The following ACACA variants were observed in gnomAD, a reference collection of about 807,000 sequenced individuals.
ACACA encodes the protein acetyl-CoA carboxylase 1.
Under a neutral mutation model 296.1 loss-of-function variants are expected in ACACA, and 103 were observed. The ratio of observed to expected loss-of-function variants is 0.35; its 90% confidence interval spans 0.30 to 0.41. ACACA has a LOEUF of 0.41. ACACA is among the 10% of genes least tolerant of loss of function. ACACA has a pLI of 1.00. For missense variants in ACACA, 1,554 were observed against 2,989.7 expected (o/e 0.52, Z 11.20); for synonymous variants, 953 against 1,038.6 (o/e 0.92, Z 1.58).
chr17:37,222,179 T>A (rs572726734), intron 28 of ACACA, among the ~76,000 whole-genome samples: 2 of 152,302 alleles, frequency 1.3e-5, no homozygotes, highest in Admixed American at 6.5e-5. Context: ...CTATTAAGCA[T>A]GATCATTTCA....
intron 42 of ACACA, 74 bp downstream of exon 42, chr17:37,161,706 AC>A: frequency 6.4e-7 from 1 of 1,558,242 alleles, no homozygotes; most frequent in South Asian, 1.1e-5. Flanking sequence ...TTAAACCTCT[AC>A]CCTTCCCCCA....
chr17:37,105,665 G>C (rs2073636829), intron 52 of ACACA, among the ~76,000 whole-genome samples: 1 of 151,910 alleles, frequency 6.6e-6, no homozygotes, highest in African/African-American at 2.4e-5. Flanking sequence ...GGGAGTTCAA[G>C]ACCATCCTGG....
In ACACA at chr17:37,243,521, T is replaced by G. The variant is rs747301410; in HGVS notation, c.2781A>C (p.Arg927Ser). ...DWVERLMKTL[R>S]DPSLPLLELQ... Reference sequence around the variant, plus strand: ...ATTCTAGGAGAGGCAGGGAGGGATCTCTGAGGGTTTTCATCAATCGCTCTA... The same window carrying G: ...ATTCTAGGAGAGGCAGGGAGGGATCGCTGAGGGTTTTCATCAATCGCTCTA... The change falls in exon 22 of 56, where the codon AGA becomes AGC. Residue 927 changes from arginine to serine, a missense_variant. Physicochemically the swap from Arg to Ser is moderately radical, Grantham distance 110. Coordinates refer to ENST00000616317, the MANE Select transcript of ACACA (RefSeq NM_198834.3). 1 of 1,614,106 alleles carries G rather than the reference T, an allele frequency of 6.2e-7. No individual in the cohort carries two copies. Among genetic ancestry groups the G allele is most frequent in the East Asian group, 2.2e-5 (1 of 44,878 alleles).
intron 1 of ACACA, chr17:37,345,242 C>CG (rs71135705): frequency 0.025 from 3,873 of 152,282 alleles, 103 homozygotes; most frequent in African/African-American, 0.055. Context: ...TTAGCAGAGA[C>CG]GGGGTCTCAC....
At chr17:37,350,599 G>C (rs1024766180) in intron 1 of ACACA, among the ~76,000 whole-genome samples, 11 of 152,170 alleles carry the variant, frequency 7.2e-5, no homozygotes, top group Non-Finnish European at 1.6e-4. Flanking sequence ...TAGCACTTTG[G>C]GAGGCCGAGG....
At chr17:37,200,313 T>G in intron 34 of ACACA, 114 bp downstream of exon 34, 2 of 1,352,836 alleles carry the variant, frequency 1.5e-6, no homozygotes, top group South Asian at 2.4e-5. Flanking sequence ...TACAGAAAAG[T>G]GGTTATTTCT....
At chr17:37,334,064 G>T (rs999072863) in intron 2 of ACACA, among the ~76,000 whole-genome samples, 1 of 151,840 alleles carries the variant, frequency 6.6e-6, no homozygotes, top group African/African-American at 2.4e-5. Context: ...CTCACACTGC[G>T]CCTGGAGGCC....
At chr17:37,313,255 C>T (rs1310516513) in intron 3 of ACACA, among the ~76,000 whole-genome samples, 1 of 151,902 alleles carries the variant, frequency 6.6e-6, no homozygotes, top group Non-Finnish European at 1.5e-5. Flanking sequence ...ATACATTTAC[C>T]TCCTGCACAT....
chr17:37,283,155 T>C (rs1685560716), intron 5 of ACACA, 112 bp downstream of exon 5: 3 of 1,290,680 alleles, frequency 2.3e-6, no homozygotes, highest in Non-Finnish European at 2.2e-6. Flanking sequence ...AGGATTTTAC[T>C]TGGAAGTCCT....
At chr17:37,249,456 A>G (rs938086250) in intron 16 of ACACA, among the ~76,000 whole-genome samples, 11 of 152,098 alleles carry the variant, frequency 7.2e-5, no homozygotes, top group African/African-American at 2.7e-4. Context: ...TGGCTGCATC[A>G]TTTTACATTC....
At chr17:37,221,661 C>T in intron 29 of ACACA, 63 bp downstream of exon 29, 2 of 1,274,048 alleles carry the variant, frequency 1.6e-6, no homozygotes, top group Non-Finnish European at 2.3e-6. Flanking sequence ...ATACACATTA[C>T]TCCCCTTGAT....
At chr17:37,352,400 G>A (rs140945744) in intron 1 of ACACA, among the ~76,000 whole-genome samples, 63 of 152,222 alleles carry the variant, frequency 4.1e-4, no homozygotes, top group African/African-American at 1.5e-3. Flanking sequence ...TTATTTCATA[G>A]AGCTGCATTT....
At position 37,245,106 on chromosome 17, in the gene ACACA, G is replaced by A. The variant is rs2080628285; in HGVS notation, c.2569C>T (p.Leu857=). 6.2e-7 allele frequency: 1 copy of A among 1,614,224 alleles called. No individual in the cohort carries two copies. The highest frequency in any genetic ancestry group is 1.3e-5 in the African/African-American group (1 of 75,056). ...DPGCVLAKMQ[L]DNPSKVQQAE... ...TGCTGAACCTTGCTGGGGTTGTCCAGTTGCATTTTGGCTAGTACACAGCCA... is the reference window on the plus strand; with the variant it reads ...TGCTGAACCTTGCTGGGGTTGTCCAATTGCATTTTGGCTAGTACACAGCCA... Residue 857 remains leucine, a synonymous_variant, in exon 20 of 56, where the codon CTG becomes TTG. Transcript: ENST00000616317.
intron 1 of ACACA, among the ~76,000 whole-genome samples, chr17:37,361,826 A>G (rs528121451): frequency 2.6e-4 from 39 of 152,342 alleles, no homozygotes; most frequent in African/African-American, 9.1e-4. Context: ...GGTGGAGAGA[A>G]CTTACTATAT....
chr17:37,301,691 T>A (rs1046018437), intron 3 of ACACA, among the ~76,000 whole-genome samples: 2 of 152,242 alleles, frequency 1.3e-5, no homozygotes, highest in Non-Finnish European at 2.9e-5. Context: ...CAATGCCACA[T>A]GGTCTTGATA....
At chr17:37,278,467 A>G (rs2082366202) in intron 5 of ACACA, among the ~76,000 whole-genome samples, 1 of 152,222 alleles carries the variant, frequency 6.6e-6, no homozygotes, top group Admixed American at 6.5e-5. Context: ...CAAACTGGCT[A>G]AACAAGAAAG....
At chr17:37,301,740 G>T (rs2083628570) in intron 3 of ACACA, among the ~76,000 whole-genome samples, 1 of 152,198 alleles carries the variant, frequency 6.6e-6, no homozygotes, top group Non-Finnish European at 1.5e-5. Context: ...CAGGTAGTAT[G>T]AAGACCTCCA....
chr17:37,315,321 T>G (rs1315937393), intron 3 of ACACA, among the ~76,000 whole-genome samples: 1 of 152,260 alleles, frequency 6.6e-6, no homozygotes, highest in East Asian at 1.9e-4. Context: ...TGTTTTCCAT[T>G]TTACAGATGT....
chr17:37,095,856 C>T (rs959462167), intron 54 of ACACA, among the ~76,000 whole-genome samples: 4 of 152,182 alleles, frequency 2.6e-5, no homozygotes, highest in Non-Finnish European at 5.9e-5. Context: ...GTGACTTATG[C>T]AGCCCACTAT....
Sources: gnomAD v4.1 joint callset for allele counts (sites outside exome capture counted in the v4.1 genomes callset) on GRCh38, gnomAD v4.1.1 for gene constraint, MANE v1.5 for transcripts, NCBI Gene and HGNC (gene_info 2026-07-23, HGNC 2026-07-21) for gene names.